ZBTB16: variants seen among roughly 807,000 people sequenced by gnomAD.
ZBTB16 encodes the protein zinc finger and BTB domain-containing protein 16.
Under a neutral mutation model 56.8 loss-of-function variants are expected in ZBTB16, and 8 were observed. The observed-to-expected ratio is 0.14, with a 90% CI of 0.08 to 0.25. The LOEUF is 0.25. ZBTB16 is among the 10% of genes least tolerant of loss of function. The pLI, the probability that ZBTB16 is intolerant of heterozygous loss-of-function variation, is 1.00. For synonymous variants in ZBTB16, 363 were observed against 368.5 expected (o/e 0.98, Z 0.17); for missense variants, 625 against 903.0 (o/e 0.69, Z 3.95).
At chr11:114,075,454 G>T (rs1014133359) in intron 2 of ZBTB16, among the ~76,000 whole-genome samples, 1 of 137,802 alleles carries the variant, frequency 7.3e-6, no homozygotes, top group East Asian at 2.1e-4. Context: ...TAAAATTAAG[G>T]GTTTTTTTTC....
chr11:114,168,228 A>G (rs1942847661), intron 3 of ZBTB16, among the ~76,000 whole-genome samples: 1 of 152,220 alleles, frequency 6.6e-6, no homozygotes, highest in Admixed American at 6.5e-5. Flanking sequence ...GGATGGGCAC[A>G]TGGTAAGGAA....
At chr11:114,195,849 A>G (rs1342822353) in intron 4 of ZBTB16, among the ~76,000 whole-genome samples, 2 of 152,136 alleles carry the variant, frequency 1.3e-5, no homozygotes, top group Non-Finnish European at 2.9e-5. Flanking sequence ...GTCAGTGAGG[A>G]TGGTGTTGGA....
Position 114,063,958 on chromosome 11 carries a change from C to T in ZBTB16, c.658C>T (p.Pro220Ser). The T allele has an allele frequency of 6.2e-7, 1 of 1,613,784 alleles. No individual in the cohort carries two copies. The highest frequency in any genetic ancestry group is 8.5e-7 in the Non-Finnish European group (1 of 1,180,002). ...GQSLLQGTLQ[P>S]PAGPEEPTLA... Reference sequence around the variant, plus strand: ...GTCTCTCCTGCAGGGAACTCTTCAGCCACCTGCAGGGCCCGAGGAGCCAAC... The same window carrying T: ...GTCTCTCCTGCAGGGAACTCTTCAGTCACCTGCAGGGCCCGAGGAGCCAAC... Residue 220 changes from proline (P) to serine (S), a missense_variant, in exon 2 of 7, where the codon CCA becomes TCA. Coordinates refer to ENST00000335953, the MANE Select transcript of ZBTB16 (RefSeq NM_006006.6). The surrounding 1 kb of genome is among the most constrained non-coding windows in gnomAD (Gnocchi z 6.5).
At chr11:114,099,349 AAAAT>A (rs1417171693) in intron 2 of ZBTB16, among the ~76,000 whole-genome samples, 1 of 152,332 alleles carries the variant, frequency 6.6e-6, no homozygotes, top group East Asian at 1.9e-4. Flanking sequence ...ACACATATAT[AAAAT>A]AAATCTATTT....
intron 2 of ZBTB16, among the ~76,000 whole-genome samples, chr11:114,136,660 G>A (rs1941804599): frequency 6.6e-6 from 1 of 152,126 alleles, no homozygotes; most frequent in Non-Finnish European, 1.5e-5. Flanking sequence ...ACCAAGAGAT[G>A]AATGAAAGTC....
chr11:114,082,240 A>G (rs1939791718), intron 2 of ZBTB16, among the ~76,000 whole-genome samples: 1 of 152,070 alleles, frequency 6.6e-6, no homozygotes, highest in African/African-American at 2.4e-5. Flanking sequence ...TGATCACGCC[A>G]CTGCACTCCA....
intron 2 of ZBTB16, among the ~76,000 whole-genome samples, chr11:114,095,215 T>G (rs1940337550): frequency 6.7e-6 from 1 of 150,108 alleles, no homozygotes; most frequent in Admixed American, 6.6e-5. Context: ...GTGTCGTGTC[T>G]TATGTAACCA....
chr11:114,229,048 A>C (rs759259768), intron 4 of ZBTB16, among the ~76,000 whole-genome samples: 2 of 152,108 alleles, frequency 1.3e-5, no homozygotes, highest in Non-Finnish European at 2.9e-5. Context: ...CCACACACAC[A>C]CTCACACAGA....
intron 2 of ZBTB16, among the ~76,000 whole-genome samples, chr11:114,124,817 G>GTATT (rs557660266): frequency 1.5e-3 from 224 of 152,334 alleles, no homozygotes; most frequent in African/African-American, 5.1e-3. Flanking sequence ...TTGGACGCAG[G>GTATT]TATTGAATGA....
chr11:114,215,838 G>A (rs972391989), intron 4 of ZBTB16, among the ~76,000 whole-genome samples: 1 of 152,176 alleles, frequency 6.6e-6, no homozygotes, highest in Non-Finnish European at 1.5e-5. Flanking sequence ...CAAAATTCAG[G>A]CATTCTCTGA....
intron 2 of ZBTB16, among the ~76,000 whole-genome samples, chr11:114,108,811 C>T (rs1002442002): frequency 3.3e-5 from 5 of 152,200 alleles, no homozygotes; most frequent in Non-Finnish European, 4.4e-5. Flanking sequence ...CTTTTAAGGT[C>T]GGTAGCTGGA....
intron 4 of ZBTB16, among the ~76,000 whole-genome samples, chr11:114,192,050 A>G (rs1276026355): frequency 6.6e-6 from 1 of 152,212 alleles, no homozygotes; most frequent in Admixed American, 6.5e-5. Flanking sequence ...AACTGGGCTC[A>G]GCTGGGTGGT....
intron 2 of ZBTB16, among the ~76,000 whole-genome samples, chr11:114,154,811 A>G (rs891220727): frequency 1.3e-5 from 2 of 152,162 alleles, no homozygotes; most frequent in African/African-American, 4.8e-5. Flanking sequence ...TGCAAACAAA[A>G]CAATGTGATT....
chr11:114,155,398 G>A (rs1942383767), intron 2 of ZBTB16, among the ~76,000 whole-genome samples: 1 of 152,216 alleles, frequency 6.6e-6, no homozygotes, highest in African/African-American at 2.4e-5. Context: ...CCGGTTCCCT[G>A]CATCTTACCA....
chr11:114,207,626 C>T (rs1460901002), intron 4 of ZBTB16, among the ~76,000 whole-genome samples: 3 of 148,762 alleles, frequency 2.0e-5, no homozygotes, highest in Non-Finnish European at 4.5e-5. Flanking sequence ...CACACACACA[C>T]ATATTGAGGC....
Position 114,254,797 on chromosome 11 carries a change from C to T in ZBTB16, c.*4242C>T, listed in dbSNP as rs1054706264. On this transcript the variant is annotated 3_prime_UTR_variant, in exon 7 of 7. Transcript: ENST00000335953. The stretch of plus-strand genomic sequence containing the variant: ...GATATTTCAGTGGGAGGATGAAAGG[C>T]GAGACTCACCCTACGCGGTGGGACA... 1.1e-4 allele frequency among the ~76,000 whole-genome samples: 16 copies of T among 152,022 alleles called. No homozygotes were observed. The highest frequency in any genetic ancestry group is 1.5e-4 in the Non-Finnish European group (10 of 68,012).
chr11:114,096,159 C>G (rs180800309), intron 2 of ZBTB16, among the ~76,000 whole-genome samples: 1 of 152,298 alleles, frequency 6.6e-6, no homozygotes, highest in East Asian at 1.9e-4. Context: ...AATATCAAAT[C>G]TCCAGACTTC....
chr11:114,203,903 T>A (rs1425169083), intron 4 of ZBTB16, among the ~76,000 whole-genome samples: 1 of 152,098 alleles, frequency 6.6e-6, no homozygotes, highest in African/African-American at 2.4e-5. Flanking sequence ...TGAACTCTGA[T>A]CTGGTGAAGT....
Position 114,123,734 on chromosome 11 carries a change from C to T in ZBTB16, c.1269-32603C>T, listed in dbSNP as rs756419939. On this transcript the variant is annotated intron_variant, in intron 2 of 6. Transcript: ENST00000335953. ...AGAAAGAGCCAGATTTACAGTTTGCCAGTCTCTTAGCTCTATGTTCCAAAG... is the reference window on the plus strand; with the variant it reads ...AGAAAGAGCCAGATTTACAGTTTGCTAGTCTCTTAGCTCTATGTTCCAAAG... 2.0e-5 allele frequency among the ~76,000 whole-genome samples: 3 copies of T among 152,146 alleles called. No individual in the cohort carries two copies. In the South Asian group the frequency reaches 6.2e-4, roughly 32 times the overall value.
Sources: gnomAD v4.1 joint callset for allele counts (sites outside exome capture counted in the v4.1 genomes callset) on GRCh38, gnomAD v4.1.1 for gene constraint, Gnocchi (gnomAD v3.1) non-coding constraint, MANE v1.5 for transcripts, NCBI Gene and HGNC (gene_info 2026-07-23, HGNC 2026-07-21) for gene names.